The following HNRNPLL variants were observed in gnomAD, a reference collection of about 807,000 sequenced individuals.
HNRNPLL encodes heterogeneous nuclear ribonucleoprotein L-like.
Under a neutral mutation model 67.1 loss-of-function variants are expected in HNRNPLL, and 25 were observed. The ratio of observed to expected loss-of-function variants is 0.37; its 90% confidence interval spans 0.27 to 0.52. The LOEUF is 0.52. Ranked by LOEUF, HNRNPLL falls within the 20% of genes least tolerant of loss-of-function variation. The pLI is 0.90. For missense variants in HNRNPLL, 542 were observed against 673.9 expected, an observed-to-expected ratio of 0.80 and a Z score of 2.17; for synonymous variants, 267 against 241.7, an observed-to-expected ratio of 1.10 and a Z score of -0.97.
At chr2:38,581,789 C>A (rs1666537544) in intron 6 of HNRNPLL, 124 bp downstream of exon 6, 1 of 696,782 alleles carries the variant, frequency 1.4e-6, no homozygotes. Flanking sequence ...CCTTTTGCAA[C>A]AAAAGCATTC....
At position 38,592,459 on chromosome 2, in the gene HNRNPLL, A is replaced by G. The variant is rs1265082773; in HGVS notation, c.190-811T>C. Reference sequence around the variant, plus strand: ...TATAACTTGAGGATACTCACTTAGCAGTATTAATTCATTAAACACATGACA... The same window carrying G: ...TATAACTTGAGGATACTCACTTAGCGGTATTAATTCATTAAACACATGACA... On this transcript the variant is annotated intron_variant, in intron 1 of 12. Transcript: ENST00000449105. Among the ~76,000 whole-genome samples, 4 of 152,248 alleles carry G rather than the reference A, an allele frequency of 2.6e-5. No homozygotes were observed. The East Asian group carries it at 5.8e-4, about 22-fold the overall frequency.
At chr2:38,572,791 A>C (rs1438390292) in intron 8 of HNRNPLL, among the ~76,000 whole-genome samples, 2 of 152,004 alleles carry the variant, frequency 1.3e-5, no homozygotes, top group African/African-American at 4.8e-5. Flanking sequence ...CAAGTGCATA[A>C]ATTCTAGAAC....
At chr2:38,568,469 A>T (rs1450754992) in intron 10 of HNRNPLL, 26 bp from the exon 11 acceptor site, 1 of 1,470,676 alleles carries the variant, frequency 6.8e-7, no homozygotes, top group African/African-American at 1.4e-5. Context: ...AAACTTCATT[A>T]AAAATATAGC....
chr2:38,601,050 A>G (rs963153002), intron 1 of HNRNPLL, among the ~76,000 whole-genome samples: 25 of 152,250 alleles, frequency 1.6e-4, no homozygotes, highest in African/African-American at 5.5e-4. Flanking sequence ...AATATCAGTT[A>G]TAATATTCCT....
chr2:38,569,645 G>C (rs1220123993), intron 9 of HNRNPLL, among the ~76,000 whole-genome samples, 159 bp downstream of exon 9: 1 of 152,018 alleles, frequency 6.6e-6, no homozygotes, highest in Non-Finnish European at 1.5e-5. Context: ...TGAGTGATAC[G>C]ACCCTAACTC....
chr2:38,599,937 T>C (rs1378490057), intron 1 of HNRNPLL: 1 of 470,632 alleles, frequency 2.1e-6, no homozygotes, highest in Admixed American at 2.4e-5. Flanking sequence ...AGGTATTTCT[T>C]CTCTGGGCTG....
At chr2:38,572,575 AG>A (rs1666134745) in intron 8 of HNRNPLL, among the ~76,000 whole-genome samples, 1 of 152,116 alleles carries the variant, frequency 6.6e-6, no homozygotes, top group Non-Finnish European at 1.5e-5. Context: ...CACATTTGTG[AG>A]GTATCAATAA....
intron 7 of HNRNPLL, 67 bp from the exon 8 acceptor site, chr2:38,573,494 TAG>T: frequency 9.9e-7 from 1 of 1,010,978 alleles, no homozygotes. Flanking sequence ...AATACTTTAG[TAG>T]ATATACTGCA....
intron 1 of HNRNPLL, chr2:38,599,987 A>G (rs1026561273): frequency 5.2e-5 from 24 of 457,810 alleles, no homozygotes; most frequent in African/African-American, 1.4e-4. Flanking sequence ...TTCGGTTACA[A>G]TGAATTACCA....
chr2:38,572,846 T>C (rs1337963243), intron 8 of HNRNPLL, among the ~76,000 whole-genome samples: 1 of 151,982 alleles, frequency 6.6e-6, no homozygotes, highest in East Asian at 1.9e-4. Flanking sequence ...AAGCTTGTTT[T>C]TATATATACC....
At chr2:38,581,052 A>C (rs1184014688) in intron 6 of HNRNPLL, 2 of 152,224 alleles carry the variant, frequency 1.3e-5, no homozygotes, top group Non-Finnish European at 2.9e-5. Context: ...AAAATTTAAA[A>C]AGTAAACAAT....
chr2:38,573,327 A>G lies in HNRNPLL; in HGVS notation c.975T>C (p.Ser325=), dbSNP rs752042305. ...CAGAGGGATTTCCTCCATGCATGTA[A>G]GAGGAAGAAGCCTGTGGTAATGGAT... ...VAYPLPQASS[S]YMHGGNPSGS... is the part of the protein sequence containing the mutation. The change falls in exon 8 of 13, where the codon TCT becomes TCC. Residue 325 remains serine (S), a synonymous_variant. Coordinates refer to ENST00000449105, the MANE Select transcript of HNRNPLL (RefSeq NM_138394.4). 6.8e-6 allele frequency: 11 copies of G among 1,611,702 alleles called. No homozygotes were observed. In the South Asian group the frequency reaches 9.9e-5, roughly 14 times the overall value.
At chr2:38,566,259 T>C (rs1375431647) in intron 12 of HNRNPLL, 2 of 165,852 alleles carry the variant, frequency 1.2e-5, no homozygotes, top group Non-Finnish European at 2.5e-5. Context: ...TCCCAGCTAC[T>C]TGGGAAGCTG....
chr2:38,594,888 G>A (rs1667110021), intron 1 of HNRNPLL, among the ~76,000 whole-genome samples: 1 of 152,012 alleles, frequency 6.6e-6, no homozygotes, highest in South Asian at 2.1e-4. Flanking sequence ...AGGTTGCAGT[G>A]AACTGAGATC....
Position 38,577,448 on chromosome 2 carries a change from C to G in HNRNPLL, c.874+13G>C. 1.3e-6 allele frequency: 2 copies of G among 1,548,098 alleles called. No individual in the cohort carries two copies. The highest frequency in any genetic ancestry group is 2.7e-5 in the African/African-American group (2 of 73,660). ...TTCATCTATACTACCTTCTTTCTAC[C>G]TTGACAACTTACCATAGCCATCATG... On this transcript the variant is annotated intron_variant, in intron 7 of 12. Coordinates refer to ENST00000449105, the MANE Select transcript of HNRNPLL (RefSeq NM_138394.4).
chr2:38,571,178 G>C (rs542110700), intron 8 of HNRNPLL, among the ~76,000 whole-genome samples: 1 of 152,158 alleles, frequency 6.6e-6, no homozygotes, highest in East Asian at 1.9e-4. Flanking sequence ...GCTTTTTCCT[G>C]TACATACATA....
intron 1 of HNRNPLL, among the ~76,000 whole-genome samples, chr2:38,592,820 T>C (rs1242892432): frequency 6.6e-6 from 1 of 152,216 alleles, no homozygotes; most frequent in Non-Finnish European, 1.5e-5. Context: ...AAAGAAATTT[T>C]TTAAAGTTTT....
rs1308237267 is a variant in HNRNPLL at position 38,595,131 on chromosome 2, T to G, written c.190-3483A>C. Among the ~76,000 whole-genome samples the G allele has an allele frequency of 3.3e-5, 5 of 151,054 alleles. No homozygotes were observed. In the East Asian group the frequency reaches 9.8e-4, roughly 29 times the overall value. Reference sequence around the variant, plus strand: ...CCGTCTTTAGCAAAAAAACAAAACATTAGCTGGGCGTGGTGGGGTACGCCT... The same window carrying G: ...CCGTCTTTAGCAAAAAAACAAAACAGTAGCTGGGCGTGGTGGGGTACGCCT... On this transcript the variant is annotated intron_variant, in intron 1 of 12. Coordinates refer to ENST00000449105, the MANE Select transcript of HNRNPLL (RefSeq NM_138394.4).
chr2:38,569,223 G>C lies in HNRNPLL; in HGVS notation c.1326C>G (p.Gly442=). Residue 442 remains glycine, a synonymous_variant, in exon 10 of 13, where the codon GGC becomes GGG. Coordinates refer to ENST00000449105, the MANE Select transcript of HNRNPLL (RefSeq NM_138394.4). ...MSKNNRFTSA[G]QASKNIIQPP... The stretch of plus-strand genomic sequence containing the variant: ...GCTGGATTATATTCTTAGATGCTTG[G>C]CCAGCACTTGTAAAGCGATTATTTT... 1 of 1,612,624 alleles carries C rather than the reference G, an allele frequency of 6.2e-7. No individual in the cohort carries two copies. Among genetic ancestry groups the C allele is most frequent in the Non-Finnish European group, 8.5e-7 (1 of 1,178,758 alleles).
Sources: allele counts gnomAD v4.1 joint callset (sites outside exome capture counted in the v4.1 genomes callset), GRCh38; gene constraint gnomAD v4.1.1; transcripts MANE v1.5; gene names NCBI Gene and HGNC (gene_info 2026-07-23, HGNC 2026-07-21).